HACL1: variants seen among roughly 807,000 people sequenced by gnomAD.
The protein encoded by HACL1 is 2-hydroxyacyl-CoA lyase 1.
HACL1 carries 64 observed loss-of-function variants against 74.2 expected under a neutral mutation model. The ratio of observed to expected loss-of-function variants is 0.86; its 90% confidence interval spans 0.70 to 1.06. HACL1 has a LOEUF of 1.06. Among genes scored for constraint, HACL1 ranks in the 50% least tolerant of loss-of-function variants. HACL1 has a pLI of 0.00. For synonymous variants in HACL1, 230 were observed against 238.8 expected, an observed-to-expected ratio of 0.96 and a Z score of 0.34; for missense variants, 728 against 719.7, an observed-to-expected ratio of 1.01 and a Z score of -0.13.
At chr3:15,592,190 A>G (rs146469714) in intron 3 of HACL1, among the ~76,000 whole-genome samples, 3,889 of 149,660 alleles carry the variant, frequency 0.026, 237 homozygotes, top group African/African-American at 0.088. Context: ...ATGTATACAT[A>G]CGTATATATG....
chr3:15,572,629 T>C (rs1457605713), intron 11 of HACL1, among the ~76,000 whole-genome samples: 4 of 152,228 alleles, frequency 2.6e-5, no homozygotes, highest in Non-Finnish European at 2.9e-5. Context: ...CAATACCAAA[T>C]TGTATCATCC....
In HACL1 at chr3:15,593,251, T is replaced by C. The variant is rs1446201685; in HGVS notation, c.228-1571A>G. Among the ~76,000 whole-genome samples, 6 of 151,608 alleles carry C rather than the reference T, an allele frequency of 4.0e-5. 1 individual carries two copies. The highest frequency in any genetic ancestry group is 5.9e-5 in the Non-Finnish European group (4 of 67,862). On this transcript the variant is annotated intron_variant, in intron 3 of 16. Coordinates refer to ENST00000321169, the MANE Select transcript of HACL1 (RefSeq NM_012260.4). ...TTTTTTGAGATAGCATCTCACTCTG[T>C]TGCTCAGGCTGGAGTGCAGTGGCAT...
intron 2 of HACL1, among the ~76,000 whole-genome samples, chr3:15,597,984 G>A (rs923865244): frequency 1.3e-5 from 2 of 152,084 alleles, no homozygotes; most frequent in African/African-American, 4.8e-5. Flanking sequence ...AAAGTTGAGA[G>A]GTAACTGTTT....
chr3:15,573,737 T>C (rs2063575667), intron 10 of HACL1, among the ~76,000 whole-genome samples: 1 of 152,206 alleles, frequency 6.6e-6, no homozygotes, highest in Non-Finnish European at 1.5e-5. Flanking sequence ...TCGCAGGTGG[T>C]GCTGATGCGC....
At chr3:15,577,383 C>G (rs2125249455) in intron 9 of HACL1, among the ~76,000 whole-genome samples, 1 of 151,870 alleles carries the variant, frequency 6.6e-6, no homozygotes, top group East Asian at 1.9e-4. Context: ...ATGAAGAACA[C>G]CAAACACATG....
intron 3 of HACL1, among the ~76,000 whole-genome samples, chr3:15,595,042 G>A (rs1324384993): frequency 2.6e-5 from 4 of 152,088 alleles, no homozygotes; most frequent in East Asian, 1.9e-4. Context: ...CATGAGGATC[G>A]CTTGAACCCA....
At chr3:15,595,088 C>T (rs759941386) in intron 3 of HACL1, among the ~76,000 whole-genome samples, 11 of 152,100 alleles carry the variant, frequency 7.2e-5, no homozygotes, top group Non-Finnish European at 1.0e-4. Context: ...GATTGCACCA[C>T]TGCACTGTCC....
intron 14 of HACL1, 84 bp from the exon 15 acceptor site, chr3:15,564,742 A>ATT: frequency 1.6e-6 from 1 of 618,810 alleles, no homozygotes; most frequent in Non-Finnish European, 2.9e-6. Flanking sequence ...TAACTTAAAA[A>ATT]TGAATAGTTT....
chr3:15,595,158 T>C (rs943880884), intron 3 of HACL1, among the ~76,000 whole-genome samples: 29 of 152,194 alleles, frequency 1.9e-4, no homozygotes, highest in Non-Finnish European at 4.1e-4. Context: ...CTTTTAACCA[T>C]TCTCTTAATC....
At chr3:15,572,210 C>G (rs1287665218) in intron 11 of HACL1, among the ~76,000 whole-genome samples, 1 of 152,158 alleles carries the variant, frequency 6.6e-6, no homozygotes, top group Non-Finnish European at 1.5e-5. Flanking sequence ...TACGGCCATA[C>G]TACCCTTCAC....
At chr3:15,579,001 C>A (rs2063675952) in intron 9 of HACL1, among the ~76,000 whole-genome samples, 1 of 152,188 alleles carries the variant, frequency 6.6e-6, no homozygotes. Context: ...CATGTGCAGA[C>A]AGACTCAAAA....
intron 9 of HACL1, among the ~76,000 whole-genome samples, chr3:15,579,086 T>A (rs771166563): frequency 6.6e-6 from 1 of 152,234 alleles, no homozygotes. Flanking sequence ...CTTCGATTTG[T>A]AGTCAAGCTA....
intron 5 of HACL1, among the ~76,000 whole-genome samples, chr3:15,589,065 T>A (rs1325661232): frequency 6.6e-6 from 1 of 152,226 alleles, no homozygotes; most frequent in Non-Finnish European, 1.5e-5. Flanking sequence ...CCTGAAGTTG[T>A]CTTATAGTAG....
At chr3:15,573,054 A>G in intron 11 of HACL1, 105 bp downstream of exon 11, 1 of 696,974 alleles carries the variant, frequency 1.4e-6, no homozygotes. Context: ...TTTAAAACAG[A>G]TATGAATAGT....
chr3:15,587,922 T>A (rs1199147769), intron 5 of HACL1, among the ~76,000 whole-genome samples: 1 of 152,194 alleles, frequency 6.6e-6, no homozygotes, highest in Non-Finnish European at 1.5e-5. Flanking sequence ...AGATGGAGTT[T>A]CACTCTTGTC....
chr3:15,593,661 C>T (rs1192117997), intron 3 of HACL1, among the ~76,000 whole-genome samples: 1 of 151,944 alleles, frequency 6.6e-6, no homozygotes. Context: ...TTTTTGACTG[C>T]TGAGTTCATT....
rs2063956095 is a variant in HACL1 at position 15,592,527 on chromosome 3, C to G, written c.228-847G>C. 1.4e-5 allele frequency among the ~76,000 whole-genome samples: 2 copies of G among 144,124 alleles called. 1 individual carries two copies. Among genetic ancestry groups the G allele is most frequent in the Admixed American group, 1.4e-4 (2 of 14,190 alleles). 94.6% of individuals were successfully genotyped at this position (144,124 alleles called of 152,430 possible). On this transcript the variant is annotated intron_variant, in intron 3 of 16. Transcript: ENST00000321169. ...TTGTATATACACTTGTATACATATA[C>G]ACATGTATACACATGTACGCACATG...
intron 8 of HACL1, 28 bp downstream of exon 8, chr3:15,582,848 AG>A: frequency 8.9e-7 from 1 of 1,120,708 alleles, no homozygotes. Context: ...TCAAAAGCCT[AG>A]CAAGATTTAG....
chr3:15,588,891 C>T (rs900539206), intron 5 of HACL1, among the ~76,000 whole-genome samples: 8 of 151,916 alleles, frequency 5.3e-5, no homozygotes, highest in African/African-American at 1.9e-4. Flanking sequence ...GTTTTTTCCT[C>T]TTATTTCCCT....
Sources: gnomAD v4.1 joint callset for allele counts (sites outside exome capture counted in the v4.1 genomes callset) on GRCh38, gnomAD v4.1.1 for gene constraint, MANE v1.5 for transcripts, NCBI Gene and HGNC (gene_info 2026-07-23, HGNC 2026-07-21) for gene names.